CORO1C: variants seen among roughly 807,000 people sequenced by gnomAD.
The protein encoded by CORO1C is coronin-1C.
In CORO1C, 14 loss-of-function variants were observed where a neutral mutation model predicts 51.2. The observed-to-expected ratio is 0.27, with a 90% CI of 0.18 to 0.43. CORO1C has a LOEUF of 0.43. CORO1C is among the 20% of genes least tolerant of loss of function. CORO1C has a pLI of 1.00. For synonymous variants in CORO1C, 181 were observed against 210.5 expected (o/e 0.86, Z 1.21); for missense variants, 417 against 607.8 (o/e 0.69, Z 3.30).
rs1014542897 is a variant in CORO1C, at chr12:108,657,499, C to T, written c.631-76G>A. On this transcript the variant is annotated intron_variant, in intron 5 of 10. Coordinates refer to ENST00000261401, the MANE Select transcript of CORO1C (RefSeq NM_014325.4). ...TGAGTGGAGAAACTCGGGCACAGATCCAACCTCACCAACTGCCATTCATGT... is the reference window on the plus strand; with the variant it reads ...TGAGTGGAGAAACTCGGGCACAGATTCAACCTCACCAACTGCCATTCATGT... The T allele has an allele frequency of 2.1e-6, 3 of 1,459,656 alleles. No homozygotes were observed. The African/African-American group carries it at 4.2e-5, about 20-fold the overall frequency. The allele number at this position is 1,459,656 out of a possible 1,614,324, so 90.4% of individuals were successfully genotyped here. A position where few individuals can be genotyped will look rare whatever the true frequency, so the allele number is the denominator to read the frequency against.
intron 1 of CORO1C, among the ~76,000 whole-genome samples, chr12:108,729,204 C>T (rs967076817): frequency 1.1e-4 from 17 of 152,106 alleles, no homozygotes; most frequent in Non-Finnish European, 2.9e-5. Flanking sequence ...CCAGAAGTGA[C>T]AGATAAGTTA....
rs988140287 is a variant in CORO1C at position 108,645,606 on chromosome 12, C to T, written c.*1797G>A. 3.3e-5 allele frequency: 5 copies of T among 152,232 alleles called. No individual in the cohort carries two copies. Among genetic ancestry groups the T allele is most frequent in the African/African-American group, 1.2e-4 (5 of 41,454 alleles). 9.4% of individuals were successfully genotyped at this position (152,232 alleles called of 1,614,324 possible). A position where few individuals can be genotyped will look rare whatever the true frequency, so the allele number is the denominator to read the frequency against. ...ACATACATACACACACACAAAACCA[C>T]ATCAAACATTCAGATGCCCTGAAAT... On this transcript the variant is annotated 3_prime_UTR_variant, in exon 11 of 11. Coordinates refer to ENST00000261401, the MANE Select transcript of CORO1C (RefSeq NM_014325.4).
chr12:108,703,342 CA>C (rs2034933014), intron 1 of CORO1C, among the ~76,000 whole-genome samples: 1 of 152,078 alleles, frequency 6.6e-6, no homozygotes, highest in African/African-American at 2.4e-5. Context: ...GAAGAATTTA[CA>C]AAAGAAACAC....
intron 2 of CORO1C, chr12:108,696,362 G>C (rs896425738): frequency 1.3e-5 from 2 of 149,298 alleles, no homozygotes; most frequent in African/African-American, 4.9e-5. Flanking sequence ...CCTCTTACTT[G>C]TTTAAGGCAG....
At chr12:108,709,821 T>C (rs2035129364) in intron 1 of CORO1C, among the ~76,000 whole-genome samples, 1 of 151,964 alleles carries the variant, frequency 6.6e-6, no homozygotes, top group Non-Finnish European at 1.5e-5. Context: ...TGTCAGAGAG[T>C]GGTTCAACTT....
chr12:108,664,550 G>A (rs1241607678), intron 3 of CORO1C, among the ~76,000 whole-genome samples: 1 of 152,128 alleles, frequency 6.6e-6, no homozygotes, highest in Admixed American at 6.5e-5. Context: ...CCCAAGCTTA[G>A]AACATCACCT....
intron 1 of CORO1C, among the ~76,000 whole-genome samples, chr12:108,704,156 T>C (rs2034960022): frequency 1.3e-5 from 2 of 152,194 alleles, no homozygotes. Context: ...ACAAATCTTC[T>C]GGCTGACATA....
chr12:108,672,217 T>C (rs900578037), intron 3 of CORO1C, among the ~76,000 whole-genome samples: 14 of 152,216 alleles, frequency 9.2e-5, no homozygotes, highest in African/African-American at 3.1e-4. Context: ...TGGTGCAAGA[T>C]TGACACAATG....
intron 6 of CORO1C, among the ~76,000 whole-genome samples, chr12:108,655,956 C>T (rs1310299330): frequency 6.7e-6 from 1 of 149,688 alleles, no homozygotes; most frequent in African/African-American, 2.5e-5. Context: ...CCCGGCCGCC[C>T]ATCGTCTGAG....
intron 3 of CORO1C, 48 bp downstream of exon 3, chr12:108,678,224 T>G: frequency 6.4e-7 from 1 of 1,572,546 alleles, no homozygotes; most frequent in Non-Finnish European, 8.6e-7. Flanking sequence ...TTGAAAGCAG[T>G]AGGTGAGTCT....
rs377184446 is a variant in CORO1C at position 108,654,357 on chromosome 12, C to T, written c.804G>A (p.Val268=). ...TGTCAGGGTCATAGAAAGGCAGCAA[C>T]ACCCCATTGCTAGTGTCCATCTCAT... ...ALHEMDTSNG[V]LLPFYDPDTS... is the part of the protein sequence containing the mutation. Residue 268 remains valine, a synonymous_variant, in exon 7 of 11, where the codon GTG becomes GTA. Coordinates refer to ENST00000261401, the MANE Select transcript of CORO1C (RefSeq NM_014325.4). 17 of 1,613,490 alleles carry T rather than the reference C, an allele frequency of 1.1e-5. No individual in the cohort carries two copies. In the East Asian group the frequency reaches 3.6e-4, roughly 34 times the overall value.
At chr12:108,661,941 G>C (rs905312307) in intron 4 of CORO1C, 88 bp downstream of exon 4, 1 of 1,478,206 alleles carries the variant, frequency 6.8e-7, no homozygotes, top group Non-Finnish European at 9.4e-7. Flanking sequence ...AAACCATATA[G>C]CACACAACCA....
intron 1 of CORO1C, among the ~76,000 whole-genome samples, chr12:108,712,439 T>C (rs1220183743): frequency 6.6e-6 from 1 of 151,606 alleles, no homozygotes; most frequent in Admixed American, 6.6e-5. Context: ...GTGGGCGTGG[T>C]TGCAGGTGCC....
At chr12:108,692,943 G>A (rs1037266312) in intron 2 of CORO1C, among the ~76,000 whole-genome samples, 4 of 151,862 alleles carry the variant, frequency 2.6e-5, no homozygotes, top group Admixed American at 6.6e-5. Context: ...GATAACAGGC[G>A]TGTGCCACCA....
chr12:108,648,228 C>G (rs2032464476), intron 10 of CORO1C, among the ~76,000 whole-genome samples: 1 of 152,136 alleles, frequency 6.6e-6, no homozygotes, highest in Non-Finnish European at 1.5e-5. Flanking sequence ...CCTATGACCC[C>G]ACACTCCCAT....
rs2032405431 is a variant in CORO1C, at chr12:108,647,352, CA to C, written c.*50del. 6.4e-7 allele frequency: 1 copy of C among 1,560,312 alleles called. No individual in the cohort carries two copies. Among genetic ancestry groups the C allele is most frequent in the African/African-American group, 1.4e-5 (1 of 73,102 alleles). On this transcript the variant is annotated 3_prime_UTR_variant, in exon 11 of 11. Coordinates refer to ENST00000261401, the MANE Select transcript of CORO1C (RefSeq NM_014325.4). ...TAGGACCACACCAATAACCAGCTCC[CA>C]AGCACAAGTTCTTGCTCCCATTTTT...
chr12:108,731,424 C>T lies in CORO1C; in HGVS notation c.-6+5G>A, dbSNP rs1377545698. 1 of 152,904 alleles carries T rather than the reference C, an allele frequency of 6.5e-6. No homozygotes were observed. The highest frequency in any genetic ancestry group is 1.5e-5 in the Non-Finnish European group (1 of 68,718). 9.5% of individuals were successfully genotyped at this position (152,904 alleles called of 1,614,324 possible). A position where few individuals can be genotyped will look rare whatever the true frequency, so the allele number is the denominator to read the frequency against. On this transcript the variant is annotated splice_donor_5th_base_variant and intron_variant, in intron 1 of 10. Transcript: ENST00000261401. This position sits in a 1 kb window ranked among gnomAD's most constrained non-coding sequence, Gnocchi z 5.2. ...GGCTGCCCCCGCCGGGCGCGAGCCGCTCACCCGGGCCGAGGTGCCTGAGGC... is the reference window on the plus strand; with the variant it reads ...GGCTGCCCCCGCCGGGCGCGAGCCGTTCACCCGGGCCGAGGTGCCTGAGGC...
At chr12:108,702,329 C>T in intron 1 of CORO1C, among the ~76,000 whole-genome samples, 1 of 152,176 alleles carries the variant, frequency 6.6e-6, no homozygotes, top group South Asian at 2.1e-4. Context: ...TCATCCACCA[C>T]AGCCACTTCC....
At chr12:108,722,884 T>C (rs992483106) in intron 1 of CORO1C, among the ~76,000 whole-genome samples, 1 of 152,206 alleles carries the variant, frequency 6.6e-6, no homozygotes, top group Admixed American at 6.5e-5. Flanking sequence ...TCATAATGCA[T>C]AAAAAGATCA....
Sources: allele counts gnomAD v4.1 joint callset (sites outside exome capture counted in the v4.1 genomes callset), GRCh38; gene constraint gnomAD v4.1.1; non-coding constraint Gnocchi (gnomAD v3.1); transcripts MANE v1.5; gene names NCBI Gene and HGNC (gene_info 2026-07-23, HGNC 2026-07-21).